The following CGGBP1 variants were observed in gnomAD, a reference collection of about 807,000 sequenced individuals.
CGGBP1 encodes CGG triplet repeat binding protein 1.
Under a neutral mutation model 11.4 loss-of-function variants are expected in CGGBP1, and 4 were observed. The observed-to-expected ratio is 0.35, with a 90% CI of 0.17 to 0.80. CGGBP1 has a LOEUF of 0.80. Ranked by LOEUF, CGGBP1 falls within the 30% of genes least tolerant of loss-of-function variation. The pLI, the probability that CGGBP1 is intolerant of heterozygous loss-of-function variation, is 0.52. For missense variants in CGGBP1, 135 were observed against 202.1 expected (o/e 0.67, Z 2.01); for synonymous variants, 76 against 74.1 (o/e 1.03, Z -0.13).
chr3:88,126,579 CTTTTTTTTTTT>C (rs144091813), intron 2 of CGGBP1, among the ~76,000 whole-genome samples: 3 of 81,744 alleles, frequency 3.7e-5, no homozygotes, highest in Admixed American at 1.4e-4. Flanking sequence ...GTAGAAACAT[CTTTTTTTTTTT>C]TTTTTTTTTT....
At chr3:88,087,058 A>G (rs1366816092) in intron 2 of CGGBP1, among the ~76,000 whole-genome samples, 3 of 151,942 alleles carry the variant, frequency 2.0e-5, no homozygotes, top group African/African-American at 7.2e-5. Flanking sequence ...CTGGGATTAC[A>G]GGCTTGAGCC....
intron 2 of CGGBP1, among the ~76,000 whole-genome samples, chr3:88,079,578 C>A (rs1707978129): frequency 6.6e-6 from 1 of 151,898 alleles, no homozygotes; most frequent in Non-Finnish European, 1.5e-5. Flanking sequence ...TTGTGAATTA[C>A]CCATCAGTAA....
At chr3:88,139,879 T>A (rs1349867700) in intron 2 of CGGBP1, 45 of 1,610,534 alleles carry the variant, frequency 2.8e-5, no homozygotes, top group Non-Finnish European at 3.8e-5. Flanking sequence ...CCAAAAGACA[T>A]ATATGCCACA....
At chr3:88,059,054 A>G (rs1055513784), upstream of CGGBP1, 56 of 606,152 alleles carry the variant, frequency 9.2e-5, no homozygotes, top group Non-Finnish European at 1.4e-4. Flanking sequence ...GCATTGACCA[A>G]CAGACGGCCG....
intron 2 of CGGBP1, among the ~76,000 whole-genome samples, chr3:88,073,957 T>G (rs992938096): frequency 3.3e-5 from 5 of 152,212 alleles, no homozygotes; most frequent in African/African-American, 1.2e-4. Context: ...AGGCAGTTTC[T>G]GTGTTTGAGA....
intron 2 of CGGBP1, among the ~76,000 whole-genome samples, chr3:88,100,975 T>G (rs990431924): frequency 1.3e-5 from 2 of 152,110 alleles, no homozygotes; most frequent in Admixed American, 6.6e-5. Context: ...AAAACTTTAT[T>G]ATGACAATTT....
intron 1 of CGGBP1, among the ~76,000 whole-genome samples, chr3:88,148,561 C>G (rs1318170350): frequency 6.6e-6 from 1 of 152,200 alleles, no homozygotes; most frequent in African/African-American, 2.4e-5. Context: ...AATGGTACCC[C>G]AATAACATCC....
chr3:88,114,383 A>G (rs767998683), intron 2 of CGGBP1, among the ~76,000 whole-genome samples: 20 of 152,188 alleles, frequency 1.3e-4, no homozygotes, highest in Admixed American at 7.9e-4. Flanking sequence ...CTTCCACTTT[A>G]AATGTATGAA....
intron 2 of CGGBP1, among the ~76,000 whole-genome samples, chr3:88,089,576 A>C (rs534778990): frequency 2.6e-5 from 4 of 152,318 alleles, no homozygotes; most frequent in Middle Eastern, 3.4e-3. Flanking sequence ...AATCTAGAGA[A>C]TAAAATAAAC....
chr3:88,068,546 A>G (rs949238284), intron 2 of CGGBP1, among the ~76,000 whole-genome samples: 3 of 152,144 alleles, frequency 2.0e-5, no homozygotes, highest in Admixed American at 6.5e-5. Context: ...TGGTTACTCT[A>G]AAGTTGAAAT....
chr3:88,090,167 A>C (rs1015331064), intron 2 of CGGBP1, among the ~76,000 whole-genome samples: 1 of 152,210 alleles, frequency 6.6e-6, no homozygotes, highest in African/African-American at 2.4e-5. Context: ...AAAAAGGTTA[A>C]CTGTAAAACA....
intron 2 of CGGBP1, among the ~76,000 whole-genome samples, chr3:88,066,294 C>T (rs538404470): frequency 1.3e-5 from 2 of 152,278 alleles, no homozygotes; most frequent in Non-Finnish European, 2.9e-5. Context: ...CTATCCGTGC[C>T]AGGGTGTGGT....
chr3:88,126,964 T>G (rs558315236), intron 2 of CGGBP1, among the ~76,000 whole-genome samples: 9 of 152,306 alleles, frequency 5.9e-5, no homozygotes, highest in African/African-American at 1.9e-4. Flanking sequence ...AGGCCAAAAT[T>G]TCCTTTCAAG....
intron 1 of CGGBP1, among the ~76,000 whole-genome samples, chr3:88,058,560 T>C (rs1559680025): frequency 6.6e-6 from 1 of 152,158 alleles, no homozygotes; most frequent in Admixed American, 6.5e-5. Context: ...CCCCGCTAGC[T>C]GGGCAAGGCC....
intron 2 of CGGBP1, among the ~76,000 whole-genome samples, chr3:88,111,391 A>G (rs896406398): frequency 1.3e-5 from 2 of 151,894 alleles, no homozygotes; most frequent in African/African-American, 4.8e-5. Flanking sequence ...GTATTGGTAT[A>G]TATGTTCCCC....
At chr3:88,108,715 C>A in intron 2 of CGGBP1, among the ~76,000 whole-genome samples, 1 of 151,970 alleles carries the variant, frequency 6.6e-6, no homozygotes, top group Non-Finnish European at 1.5e-5. Context: ...TCAGGTAACC[C>A]TTATTTTACT....
intron 2 of CGGBP1, among the ~76,000 whole-genome samples, chr3:88,079,690 G>A (rs1193996526): frequency 6.6e-6 from 1 of 151,908 alleles, no homozygotes; most frequent in East Asian, 1.9e-4. Flanking sequence ...CCTTTTAACA[G>A]TATGATTGTA....
intron 2 of CGGBP1, chr3:88,126,171 A>G (rs1706087740): frequency 3.3e-6 from 5 of 1,524,194 alleles, no homozygotes; most frequent in Non-Finnish European, 4.4e-6. Context: ...GGAAATGTGA[A>G]TCTGGAACTG....
chr3:88,059,558 G>C, upstream of CGGBP1: 1 of 1,446,964 alleles, frequency 6.9e-7, no homozygotes, highest in Non-Finnish European at 9.0e-7. Context: ...GGGCCTCTCT[G>C]CGTCTCCTGG....
Sources: gnomAD v4.1 joint callset for allele counts (sites outside exome capture counted in the v4.1 genomes callset) on GRCh38, gnomAD v4.1.1 for gene constraint, MANE v1.5 for transcripts, NCBI Gene and HGNC (gene_info 2026-07-23, HGNC 2026-07-21) for gene names.